Variants in ERMP1 observed in about 807,000 individuals in gnomAD.
ERMP1 encodes the protein endoplasmic reticulum metallopeptidase 1.
A neutral mutation model predicts 92.0 loss-of-function variants in ERMP1; 86 were observed. That is an observed-to-expected ratio of 0.93 (90% CI 0.79 to 1.12). The LOEUF is 1.12. Ranked by LOEUF, ERMP1 falls within the 50% of genes most tolerant of loss-of-function variation. The pLI is 0.00. For missense variants in ERMP1, 1,342 were observed against 1,116.3 expected (o/e 1.20, Z -2.88); for synonymous variants, 530 against 412.8 (o/e 1.28, Z -3.44).
intron 13 of ERMP1, chr9:5,791,209 G>C (rs772319412): frequency 1.5e-5 from 7 of 456,660 alleles, no homozygotes; most frequent in South Asian, 1.1e-4. Flanking sequence ...GAGTGATTGA[G>C]ATTTATTTTA....
intron 13 of ERMP1, among the ~76,000 whole-genome samples, chr9:5,795,590 C>T (rs1828390881): frequency 6.6e-6 from 1 of 152,184 alleles, no homozygotes; most frequent in Admixed American, 6.5e-5. Context: ...CCAGCCTGGC[C>T]AACGTGGTGA....
At chr9:5,825,244 C>T in intron 2 of ERMP1, 25 bp from the exon 3 acceptor site, 1 of 1,601,272 alleles carries the variant, frequency 6.2e-7, no homozygotes, top group Non-Finnish European at 8.5e-7. Context: ...AACAAATTTG[C>T]TGCTCAGATT....
chr9:5,805,856 A>G, intron 8 of ERMP1, 71 bp from the exon 9 acceptor site: 2 of 1,186,296 alleles, frequency 1.7e-6, no homozygotes, highest in Non-Finnish European at 2.3e-6. Flanking sequence ...TTATAGTAAC[A>G]CACTTTCCAT....
chr9:5,820,021 C>T (rs1014659405), intron 4 of ERMP1, among the ~76,000 whole-genome samples: 7 of 152,180 alleles, frequency 4.6e-5, no homozygotes, highest in African/African-American at 1.4e-4. Flanking sequence ...GGCTACAGGC[C>T]GGGCGTGGTG....
chr9:5,824,939 A>C (rs1349981878), intron 3 of ERMP1, among the ~76,000 whole-genome samples, 153 bp downstream of exon 3: 1 of 152,228 alleles, frequency 6.6e-6, no homozygotes, highest in Admixed American at 6.5e-5. Flanking sequence ...TGAATTTGTT[A>C]AAGTACTGCT....
upstream of ERMP1, among the ~76,000 whole-genome samples, chr9:5,834,947 T>C (rs1010572613): frequency 6.9e-5 from 8 of 116,702 alleles, no homozygotes; most frequent in African/African-American, 2.7e-4. Context: ...GAGGATTAGA[T>C]AGATAGACAG....
chr9:5,815,049 T>TA (rs916633632), intron 4 of ERMP1, among the ~76,000 whole-genome samples: 4 of 151,900 alleles, frequency 2.6e-5, no homozygotes, highest in Admixed American at 2.0e-4. Flanking sequence ...GGTTGGAAAA[T>TA]ACACAAATGT....
chr9:5,814,547 A>G (rs1829229739), intron 4 of ERMP1, among the ~76,000 whole-genome samples: 1 of 152,180 alleles, frequency 6.6e-6, no homozygotes, highest in South Asian at 2.1e-4. Flanking sequence ...ATTTAAGACC[A>G]GCCTGGCCAA....
intron 6 of ERMP1, among the ~76,000 whole-genome samples, chr9:5,843,415 C>T (rs536509800): frequency 5.4e-4 from 83 of 152,308 alleles, no homozygotes; most frequent in African/African-American, 1.9e-3. Context: ...TTCCACCCAC[C>T]TGCTGCCAGT....
intron 5 of ERMP1, among the ~76,000 whole-genome samples, chr9:5,864,535 C>T (rs1282084255): frequency 6.6e-6 from 1 of 152,154 alleles, no homozygotes; most frequent in Non-Finnish European, 1.5e-5. Flanking sequence ...GGGGGGCGAG[C>T]GGGTATTTGA....
chr9:5,831,616 C>CAA (rs1477411114), intron 1 of ERMP1, among the ~76,000 whole-genome samples: 1 of 151,918 alleles, frequency 6.6e-6, no homozygotes, highest in Non-Finnish European at 1.5e-5. Flanking sequence ...AGAAAACAAA[C>CAA]AAAAAAAGCT....
intron 10 of ERMP1, among the ~76,000 whole-genome samples, chr9:5,804,345 G>C (rs1055225472): frequency 6.6e-6 from 1 of 152,068 alleles, no homozygotes; most frequent in African/African-American, 2.4e-5. Flanking sequence ...GGGGGGTCTG[G>C]TCTTAAACTC....
intron 8 of ERMP1, among the ~76,000 whole-genome samples, chr9:5,809,174 C>T (rs1274569031): frequency 2.0e-5 from 3 of 152,074 alleles, no homozygotes; most frequent in African/African-American, 7.2e-5. Context: ...GGCGCCGCCA[C>T]CTCGCCCGGC....
At chr9:5,796,091 A>C (rs529952122) in intron 13 of ERMP1, among the ~76,000 whole-genome samples, 1 of 152,260 alleles carries the variant, frequency 6.6e-6, no homozygotes, top group African/African-American at 2.4e-5. Context: ...GGGATATTCC[A>C]ACACGGATAG....
chr9:5,849,969 G>C (rs1422885578), intron 6 of ERMP1, among the ~76,000 whole-genome samples: 1 of 152,200 alleles, frequency 6.6e-6, no homozygotes, highest in Non-Finnish European at 1.5e-5. Flanking sequence ...TCCATGGTGG[G>C]ATTGTGGATT....
chr9:5,851,865 G>C (rs1161671972), intron 6 of ERMP1, among the ~76,000 whole-genome samples: 1 of 152,056 alleles, frequency 6.6e-6, no homozygotes, highest in African/African-American at 2.4e-5. Flanking sequence ...CTTAACGAAT[G>C]GCTTGAAGTA....
intron 2 of ERMP1, among the ~76,000 whole-genome samples, chr9:5,827,662 C>A (rs1829775697): frequency 6.6e-6 from 1 of 151,346 alleles, no homozygotes; most frequent in South Asian, 2.1e-4. Context: ...GAGATTGAGA[C>A]CATCCTGGCT....
chr9:5,822,801 A>G (rs10815286), intron 4 of ERMP1, among the ~76,000 whole-genome samples: 51,273 of 152,064 alleles, frequency 0.34, 9,495 homozygotes, highest in East Asian at 0.59. Flanking sequence ...TAATAAAGAC[A>G]ATTAAAACCC....
At chr9:5,815,371 G>C (rs1232411127) in intron 4 of ERMP1, among the ~76,000 whole-genome samples, 1 of 151,948 alleles carries the variant, frequency 6.6e-6, no homozygotes, top group Non-Finnish European at 1.5e-5. Flanking sequence ...ACATGTCAAA[G>C]GGGCTCAGGC....
Sources: gnomAD v4.1 joint callset for allele counts (sites outside exome capture counted in the v4.1 genomes callset) on GRCh38, gnomAD v4.1.1 for gene constraint, MANE v1.5 for transcripts, NCBI Gene and HGNC (gene_info 2026-07-23, HGNC 2026-07-21) for gene names.